The following FAN1 variants were observed in gnomAD, a reference collection of about 807,000 sequenced individuals.
FAN1 encodes the protein fanconi-associated nuclease 1.
A neutral mutation model predicts 104.9 loss-of-function variants in FAN1; 91 were observed. That is an observed-to-expected ratio of 0.87 (90% CI 0.73 to 1.03). The LOEUF (loss-of-function observed/expected upper bound fraction) is 1.03. Among genes scored for constraint, FAN1 ranks in the 50% least tolerant of loss-of-function variants. The pLI is 0.00. For synonymous variants in FAN1, 478 were observed against 457.6 expected, an observed-to-expected ratio of 1.04 and a Z score of -0.57; for missense variants, 1,263 against 1,239.9, an observed-to-expected ratio of 1.02 and a Z score of -0.28.
rs541170880 is a variant in FAN1 at position 30,922,504 on chromosome 15, C to G, written c.2172+150C>G. On this transcript the variant is annotated intron_variant, in intron 8 of 14. Coordinates refer to ENST00000362065, the MANE Select transcript of FAN1 (RefSeq NM_014967.5). Reference sequence around the variant, plus strand: ...TCTTTTGTCTGTGTTCTTCCAACCCCAAAAGAATACCAGGGATGCCAGCAC... The same window carrying G: ...TCTTTTGTCTGTGTTCTTCCAACCCGAAAAGAATACCAGGGATGCCAGCAC... 50 of 826,930 alleles carry G rather than the reference C, an allele frequency of 6.0e-5. No individual in the cohort carries two copies. In the African/African-American group the frequency reaches 7.6e-4, roughly 13 times the overall value. 51.2% of individuals were successfully genotyped at this position (826,930 alleles called of 1,614,324 possible). A position where few individuals can be genotyped will look rare whatever the true frequency, so the allele number is the denominator to read the frequency against.
chr15:30,911,583 G>A (rs1056118), intron 4 of FAN1: 577,147 of 955,300 alleles, frequency 0.6, 176,070 homozygotes, highest in East Asian at 0.98. Context: ...AAAAGCTCGT[G>A]TTATAGATTT....
rs1179139514 is a variant in FAN1 at position 30,925,299 on chromosome 15, A to G, written c.2337+8A>G. On this transcript the variant is annotated splice_region_variant and intron_variant, in intron 9 of 14. Transcript: ENST00000362065. ...GTGCAAGATGTGAAACACGTGAGGA[A>G]AGAGCCTGTGGGTGCTTTGGACTTA... is the stretch of plus-strand genomic sequence containing the variant. The G allele has an allele frequency of 3.7e-6, 6 of 1,612,696 alleles. No individual in the cohort carries two copies. Among genetic ancestry groups the G allele is most frequent in the African/African-American group, 1.3e-5 (1 of 74,898 alleles).
At chr15:30,937,360 G>GT in intron 14 of FAN1, 101 bp downstream of exon 14, 1 of 1,089,030 alleles carries the variant, frequency 9.2e-7, no homozygotes, top group Non-Finnish European at 1.3e-6. Flanking sequence ...AAACCTGATA[G>GT]TTTGACTTGT....
At position 30,941,881 on chromosome 15, in the gene FAN1, C is replaced by T. The variant is rs760389316; in HGVS notation, c.*319C>T. 6.2e-7 allele frequency: 1 copy of T among 1,614,036 alleles called. No individual in the cohort carries two copies. The highest frequency in any genetic ancestry group is 2.2e-5 in the East Asian group (1 of 44,882). ...AGACACGTGGCAGAATAACACCGTG[C>T]AGGTTGGCGGGTTTGGAAAACCATT... On this transcript the variant is annotated 3_prime_UTR_variant, in exon 15 of 15. Transcript: ENST00000362065.
intron 13 of FAN1, among the ~76,000 whole-genome samples, chr15:30,932,255 T>C (rs934243796): frequency 6.6e-6 from 1 of 150,688 alleles, no homozygotes; most frequent in Non-Finnish European, 1.5e-5. Context: ...CAGCTGAGAT[T>C]TTAATTGGAA....
chr15:30,910,902 G>A, intron 4 of FAN1, 87 bp downstream of exon 4: 2 of 1,458,702 alleles, frequency 1.4e-6, no homozygotes, highest in East Asian at 2.5e-5. Flanking sequence ...TGATTGAACT[G>A]TAATTGTTTA....
intron 13 of FAN1, among the ~76,000 whole-genome samples, chr15:30,933,999 G>A (rs551640037): frequency 1.3e-5 from 2 of 151,898 alleles, no homozygotes; most frequent in East Asian, 1.9e-4. Context: ...TGGGCTCCAC[G>A]TTGGCCTCCC....
chr15:30,913,509 A>G (rs2062140424), intron 4 of FAN1, among the ~76,000 whole-genome samples: 1 of 152,234 alleles, frequency 6.6e-6, no homozygotes, highest in Non-Finnish European at 1.5e-5. Flanking sequence ...CTAAATCATC[A>G]CTAGAATAAA....
chr15:30,904,450 T>C, intron 1 of FAN1, 62 bp from the exon 2 acceptor site: 1 of 646,468 alleles, frequency 1.5e-6, no homozygotes, highest in Non-Finnish European at 2.7e-6. Context: ...GTTTCAGAGT[T>C]CGCTTTTCCC....
intron 13 of FAN1, among the ~76,000 whole-genome samples, chr15:30,936,815 GTGGC>G (rs1318823126): frequency 6.6e-6 from 1 of 152,174 alleles, no homozygotes; most frequent in Non-Finnish European, 1.5e-5. Flanking sequence ...TCATGATCAT[GTGGC>G]TGACTGGGAG....
In FAN1 at chr15:30,904,764, T is replaced by G. The variant is rs1475814624; in HGVS notation, c.101T>G (p.Phe34Cys). The change falls in exon 2 of 15, where the codon TTT (phenylalanine) becomes TGT (cysteine). Residue 34 changes from phenylalanine to cysteine, a missense_variant. Transcript: ENST00000362065. Reference sequence around the variant, plus strand: ...GCATCTAATTCTATTATTTCGTGTTTTAACAATGCACCACCTGCTAAACTT... The same window carrying G: ...GCATCTAATTCTATTATTTCGTGTTGTAACAATGCACCACCTGCTAAACTT... Reference protein sequence around the residue: ...KKASNSIISCFNNAPPAKLAC... With the variant: ...KKASNSIISCCNNAPPAKLAC... The G allele has an allele frequency of 2.5e-6, 4 of 1,613,446 alleles. No individual in the cohort carries two copies. In the East Asian group the frequency reaches 6.7e-5, roughly 27 times the overall value.
At chr15:30,936,869 T>G (rs1345701438) in intron 13 of FAN1, among the ~76,000 whole-genome samples, 1 of 152,116 alleles carries the variant, frequency 6.6e-6, no homozygotes, top group Non-Finnish European at 1.5e-5. Context: ...AGTATCATAC[T>G]GGGAAAAGAT....
intron 5 of FAN1, among the ~76,000 whole-genome samples, chr15:30,917,894 T>C (rs1293451329): frequency 6.6e-6 from 1 of 152,260 alleles, no homozygotes; most frequent in Non-Finnish European, 1.5e-5. Context: ...TCAGGAATGA[T>C]GAGCTGATCC....
intron 14 of FAN1, chr15:30,939,090 A>G (rs2062952195): frequency 1.0e-6 from 1 of 985,374 alleles, no homozygotes; most frequent in South Asian, 4.7e-5. Context: ...CGGGAAATCA[A>G]GTTTTAACCA....
Position 30,941,619 on chromosome 15 carries a change from A to C in FAN1, c.*57A>C, listed in dbSNP as rs748359066. 14 of 1,604,334 alleles carry C rather than the reference A, an allele frequency of 8.7e-6. No individual in the cohort carries two copies. In the African/African-American group the frequency reaches 1.6e-4, roughly 18 times the overall value. On this transcript the variant is annotated 3_prime_UTR_variant, in exon 15 of 15. Transcript: ENST00000362065. Reference sequence around the variant, plus strand: ...GAGGAGAGAAACTCCGGTGTCCCCGAGGTGTCGGTGTGGTGAGGGCCGCTG... The same window carrying C: ...GAGGAGAGAAACTCCGGTGTCCCCGCGGTGTCGGTGTGGTGAGGGCCGCTG...
intron 10 of FAN1, among the ~76,000 whole-genome samples, chr15:30,926,262 T>C (rs540588357): frequency 3.7e-4 from 56 of 152,332 alleles, no homozygotes; most frequent in Middle Eastern, 3.4e-3. Context: ...CCATTCAGTG[T>C]TCCTTCTGTT....
chr15:30,929,396 A>T lies in FAN1; in HGVS notation c.2786A>T (p.Gln929Leu), dbSNP rs1489689909. 7 of 1,597,838 alleles carry T rather than the reference A, an allele frequency of 4.4e-6. No individual in the cohort carries two copies. The highest frequency in any genetic ancestry group is 8.5e-7 in the Non-Finnish European group (1 of 1,170,822). The change falls in exon 12 of 15, where the codon CAG becomes CTG. Residue 929 changes from glutamine to leucine, a missense_variant and splice_region_variant. Physicochemically the swap from Gln to Leu is moderately radical, Grantham distance 113 (BLOSUM62 -2). This residue lies in a region of FAN1 where 581 missense variants were observed against 668.8 expected (regional missense o/e 0.87). Transcript: ENST00000362065. ...CGCTTCACGTCTCTTCAGCAAGCTC[A>T]GGTAATGGTTCACCTGCATGGCAGG... ...WDRFTSLQQA[Q>L]DLVSCLGGPV...
At chr15:30,926,238 A>G (rs1305436426) in intron 10 of FAN1, among the ~76,000 whole-genome samples, 1 of 152,192 alleles carries the variant, frequency 6.6e-6, no homozygotes, top group East Asian at 1.9e-4. Context: ...GCTCAACCCC[A>G]CGGACACCCA....
At position 30,925,360 on chromosome 15, in the gene FAN1, C is replaced by T. The variant is rs879053829; in HGVS notation, c.2337+69C>T. 7.8e-6 allele frequency: 11 copies of T among 1,411,400 alleles called. No individual in the cohort carries two copies. In the South Asian group the frequency reaches 1.1e-4, roughly 15 times the overall value. The allele number at this position is 1,411,400 out of a possible 1,614,324, so 87.4% of individuals were successfully genotyped here. A position where few individuals can be genotyped will look rare whatever the true frequency, so the allele number is the denominator to read the frequency against. ...CCTGGTTTTTTTGGACCAGAAGCAT[C>T]CTAAGAGCTGTTTTGAGTGTGTGTT... is the stretch of plus-strand genomic sequence containing the variant. On this transcript the variant is annotated intron_variant, in intron 9 of 14. Transcript: ENST00000362065.
Sources: gnomAD v4.1 joint callset for allele counts (sites outside exome capture counted in the v4.1 genomes callset) on GRCh38, gnomAD v4.1.1 for gene constraint, gnomAD v4.1.1 regional missense constraint, MANE v1.5 for transcripts, NCBI Gene and HGNC (gene_info 2026-07-23, HGNC 2026-07-21) for gene names.